The following SDK1 variants were observed in gnomAD, a reference collection of about 807,000 sequenced individuals.
SDK1 encodes the protein protein sidekick-1.
A neutral mutation model predicts 245.5 loss-of-function variants in SDK1; 157 were observed. The observed-to-expected ratio is 0.64, with a 90% CI of 0.56 to 0.73. The LOEUF (loss-of-function observed/expected upper bound fraction) is 0.73. SDK1 is among the 30% of genes least tolerant of loss of function. The pLI, the probability that SDK1 is intolerant of heterozygous loss-of-function variation, is 0.00. For missense variants in SDK1, 3,583 were observed against 3,002.3 expected (o/e 1.19, Z -4.52); for synonymous variants, 1,647 against 1,278.5 (o/e 1.29, Z -6.15).
At chr7:3,537,882 G>A (rs1778932965) in intron 1 of SDK1, among the ~76,000 whole-genome samples, 1 of 152,200 alleles carries the variant, frequency 6.6e-6, no homozygotes, top group Non-Finnish European at 1.5e-5. Flanking sequence ...TAATCTCCCT[G>A]TTTTCAGTGA....
rs138784051 is a variant in SDK1 at position 4,245,338 on chromosome 7, T to G, written c.6252-338T>G. Among the ~76,000 whole-genome samples, 50 of 152,286 alleles carry G rather than the reference T, an allele frequency of 3.3e-4. 1 individual carries two copies. Among genetic ancestry groups the G allele is most frequent in the Non-Finnish European group, 6.6e-4 (45 of 68,018 alleles). ...TCCACTGCACTCCCCTGCCTGCATC[T>G]GGCAAGCACCTAAGCTCCCCGGCCT... On this transcript the variant is annotated intron_variant, in intron 43 of 44. Transcript: ENST00000404826.
At chr7:3,474,814 T>C (rs897416753) in intron 1 of SDK1, among the ~76,000 whole-genome samples, 1 of 152,104 alleles carries the variant, frequency 6.6e-6, no homozygotes, top group Non-Finnish European at 1.5e-5. Flanking sequence ...CCACAACCTC[T>C]TCAATGGTGG....
intron 1 of SDK1, among the ~76,000 whole-genome samples, chr7:3,560,597 C>T (rs1779717651): frequency 6.6e-6 from 1 of 152,090 alleles, no homozygotes; most frequent in African/African-American, 2.4e-5. Context: ...GTGGGTTTTC[C>T]CTTGCACCCC....
At chr7:3,790,974 G>A (rs1432516825) in intron 4 of SDK1, among the ~76,000 whole-genome samples, 4 of 152,022 alleles carry the variant, frequency 2.6e-5, no homozygotes, top group Admixed American at 1.3e-4. Context: ...TCACAGCTCC[G>A]TCACTCACTT....
chr7:3,781,198 A>G (rs1294455457), intron 4 of SDK1, among the ~76,000 whole-genome samples: 2 of 152,090 alleles, frequency 1.3e-5, no homozygotes, highest in African/African-American at 2.4e-5. Context: ...GCCCTGCCCA[A>G]CTGTAGATCT....
intron 1 of SDK1, among the ~76,000 whole-genome samples, chr7:3,509,199 T>C (rs929253967): frequency 6.6e-6 from 1 of 152,140 alleles, no homozygotes; most frequent in South Asian, 2.1e-4. Context: ...CAATGGAGTC[T>C]TACACAGTGA....
chr7:3,451,270 C>T (rs906630265), intron 1 of SDK1, among the ~76,000 whole-genome samples: 2 of 151,392 alleles, frequency 1.3e-5, no homozygotes, highest in Admixed American at 6.8e-5. Flanking sequence ...GCCCGGAGTT[C>T]CAGGAAAAAT....
chr7:3,582,257 TG>T lies in SDK1; in HGVS notation c.299-36822del, dbSNP rs561090457. ...CAGGTAGGTCTCCCTCAGGTAGGTC[TG>T]CCTCAGGTAGGTCTCCCTCAGGTAG... is the stretch of plus-strand genomic sequence containing the variant. On this transcript the variant is annotated intron_variant, in intron 1 of 44. Transcript: ENST00000404826. 1.7e-3 allele frequency among the ~76,000 whole-genome samples: 257 copies of T among 151,578 alleles called. 2 individuals carry two copies. The highest frequency in any genetic ancestry group is 5.9e-3 in the African/African-American group (242 of 41,068).
intron 9 of SDK1, among the ~76,000 whole-genome samples, chr7:3,963,193 C>A (rs1160587936): frequency 2.9e-5 from 2 of 68,918 alleles, no homozygotes; most frequent in Non-Finnish European, 5.4e-5. Flanking sequence ...AGTGGGTACA[C>A]CCAGGCTCAC....
intron 1 of SDK1, among the ~76,000 whole-genome samples, chr7:3,604,000 G>A (rs958597093): frequency 5.9e-5 from 9 of 152,276 alleles, no homozygotes; most frequent in South Asian, 2.1e-4. Context: ...ATTTGCGTAT[G>A]TTGAACCAGC....
At chr7:3,565,829 C>T (rs2128627746) in intron 1 of SDK1, among the ~76,000 whole-genome samples, 1 of 152,272 alleles carries the variant, frequency 6.6e-6, no homozygotes, top group African/African-American at 2.4e-5. Context: ...GAAGTCTGTA[C>T]ATATTCAGTA....
chr7:3,909,321 G>A (rs1779070587), intron 5 of SDK1, among the ~76,000 whole-genome samples: 1 of 152,110 alleles, frequency 6.6e-6, no homozygotes, highest in Non-Finnish European at 1.5e-5. Context: ...CTTAAATCCT[G>A]CCTGGGCTGC....
At chr7:3,508,788 C>T (rs560875755) in intron 1 of SDK1, among the ~76,000 whole-genome samples, 1 of 152,164 alleles carries the variant, frequency 6.6e-6, no homozygotes, top group Non-Finnish European at 1.5e-5. Flanking sequence ...CTGTTTATTT[C>T]CCTCACTAGG....
chr7:3,781,323 A>C (rs1780729204), intron 4 of SDK1, among the ~76,000 whole-genome samples: 2 of 152,162 alleles, frequency 1.3e-5, no homozygotes, highest in South Asian at 4.1e-4. Context: ...CTGACATCAG[A>C]GCAAAAGCAG....
chr7:4,066,839 G>T (rs6974248), intron 19 of SDK1, among the ~76,000 whole-genome samples: 33,865 of 152,180 alleles, frequency 0.22, 5,073 homozygotes, highest in African/African-American at 0.43. Flanking sequence ...TCTGCATGTG[G>T]GGCGGAGCTC....
chr7:3,305,502 G>C (rs1303464747), intron 1 of SDK1, among the ~76,000 whole-genome samples: 2 of 152,106 alleles, frequency 1.3e-5, no homozygotes, highest in African/African-American at 4.8e-5. Context: ...CTAGAGTGTT[G>C]AGTTCACTAC....
intron 4 of SDK1, among the ~76,000 whole-genome samples, chr7:3,666,785 G>T (rs892432836): frequency 1.3e-5 from 2 of 152,158 alleles, no homozygotes; most frequent in Non-Finnish European, 1.5e-5. Context: ...ATCCTTTAAT[G>T]ATGTCAGTGG....
At position 3,984,847 on chromosome 7, in the gene SDK1, A is replaced by T. The variant is rs550061173; in HGVS notation, c.1995-2339A>T. ...GGGTCCCAGAACCAATGTCAAAAAGACATCCCAGAAATTGTGAACATAAGC... is the reference window on the plus strand; with the variant it reads ...GGGTCCCAGAACCAATGTCAAAAAGTCATCCCAGAAATTGTGAACATAAGC... On this transcript the variant is annotated intron_variant, in intron 13 of 44. Transcript: ENST00000404826. 2.6e-5 allele frequency among the ~76,000 whole-genome samples: 4 copies of T among 152,288 alleles called. No homozygotes were observed. The South Asian group carries it at 8.3e-4, about 32-fold the overall frequency.
chr7:4,127,441 T>C lies in SDK1; in HGVS notation c.3884T>C (p.Leu1295Pro). ...AEAVSSTQILLTWTSVPEQDQ... is the reference protein window; with the variant it reads ...AEAVSSTQILPTWTSVPEQDQ... ...GCTGTCAGCTCGACCCAGATTTTAC[T>C]GACATGGACATCCGTGCCGGAACAG... The change falls in exon 26 of 45, where the codon CTG becomes CCG. Residue 1295 changes from leucine (L) to proline (P), a missense_variant. By Grantham distance (98) the Leu-to-Pro change is moderately conservative (BLOSUM62 -3). Transcript: ENST00000404826. The C allele has an allele frequency of 1.9e-6, 3 of 1,614,204 alleles. No individual in the cohort carries two copies. Among genetic ancestry groups the C allele is most frequent in the Non-Finnish European group, 2.5e-6 (3 of 1,180,018 alleles).
Sources: allele counts gnomAD v4.1 joint callset (sites outside exome capture counted in the v4.1 genomes callset), GRCh38; gene constraint gnomAD v4.1.1; transcripts MANE v1.5; gene names NCBI Gene and HGNC (gene_info 2026-07-23, HGNC 2026-07-21).